MACF1: variants seen among roughly 807,000 people sequenced by gnomAD.
MACF1 encodes the protein microtubule-actin cross-linking factor 1.
In MACF1, 193 loss-of-function variants were observed where a neutral mutation model predicts 854.8. The observed-to-expected ratio is 0.23, with a 90% CI of 0.20 to 0.25. The LOEUF is 0.25. Ranked by LOEUF, MACF1 falls within the 10% of genes least tolerant of loss-of-function variation. MACF1 has a pLI of 1.00. For missense variants in MACF1, 7,722 were observed against 8,929.1 expected (o/e 0.86, Z 5.45); for synonymous variants, 3,185 against 3,226.7 (o/e 0.99, Z 0.44).
At chr1:39,244,121 G>C (rs888054520) in intron 2 of MACF1, among the ~76,000 whole-genome samples, 13 of 151,252 alleles carry the variant, frequency 8.6e-5, no homozygotes, top group African/African-American at 2.4e-4. Flanking sequence ...TTTTTTTTGG[G>C]GGGGACAGAG....
intron 26 of MACF1, among the ~76,000 whole-genome samples, chr1:39,312,134 G>A (rs1646313249): frequency 6.6e-6 from 1 of 152,158 alleles, no homozygotes; most frequent in Non-Finnish European, 1.5e-5. Flanking sequence ...CGAGATGGGA[G>A]AATCGCTTGA....
At chr1:39,186,712 A>G (rs920636068) in intron 2 of MACF1, among the ~76,000 whole-genome samples, 4 of 151,766 alleles carry the variant, frequency 2.6e-5, no homozygotes, top group Admixed American at 6.6e-5. Context: ...GGCTCAAGGG[A>G]TCTTCCCACC....
At chr1:39,475,168 A>T (rs1644855021) in intron 97 of MACF1, among the ~76,000 whole-genome samples, 1 of 152,232 alleles carries the variant, frequency 6.6e-6, no homozygotes, top group Non-Finnish European at 1.5e-5. Context: ...TCTCCCAAGC[A>T]GGGAAATATA....
intron 63 of MACF1, 23 bp from the exon 64 acceptor site, chr1:39,429,219 T>C (rs374493294): frequency 8.2e-7 from 1 of 1,226,884 alleles, no homozygotes; most frequent in Non-Finnish European, 1.2e-6. Context: ...AGTTTCAGGA[T>C]TAATGGTATT....
intron 46 of MACF1, 77 bp from the exon 47 acceptor site, chr1:39,359,064 G>C (rs536149476): frequency 4.5e-6 from 7 of 1,560,972 alleles, no homozygotes; most frequent in South Asian, 1.1e-5. Flanking sequence ...CTGTAAAGCT[G>C]TTCAGTAGCT....
At chr1:39,281,684 G>A (rs1337919055) in intron 6 of MACF1, among the ~76,000 whole-genome samples, 2 of 152,038 alleles carry the variant, frequency 1.3e-5, no homozygotes, top group East Asian at 1.9e-4. Flanking sequence ...AACTTTTTAG[G>A]TGCTACAAAG....
At chr1:39,226,498 G>A (rs1304100534) in intron 1 of MACF1, among the ~76,000 whole-genome samples, 2 of 152,050 alleles carry the variant, frequency 1.3e-5, no homozygotes, top group African/African-American at 4.8e-5. Flanking sequence ...GTGCCACCAC[G>A]CCCAGCTAAT....
At chr1:39,412,325 G>A (rs777473132) in intron 58 of MACF1, 2 of 1,613,984 alleles carry the variant, frequency 1.2e-6, no homozygotes, top group East Asian at 2.2e-5. Context: ...TTGGAAAGTG[G>A]GAATGTAACT....
chr1:39,309,692 A>C lies in MACF1; in HGVS notation c.2912A>C (p.Glu971Ala), dbSNP rs746501038. 1.9e-6 allele frequency: 3 copies of C among 1,609,472 alleles called. No individual in the cohort carries two copies. In the South Asian group the frequency reaches 3.3e-5, roughly 18 times the overall value. Residue 971 changes from glutamate to alanine, a missense_variant, in exon 24 of 101, where the codon GAA (glutamate) becomes GCA (alanine). Coordinates refer to ENST00000564288, the MANE Select transcript of MACF1 (RefSeq NM_001394062.1). Reference protein sequence around the residue: ...DLDLVQTWNLEKLRSSAPGEC... With the variant: ...DLDLVQTWNLAKLRSSAPGEC... ...GACCTTGTACAGACCTGGAACCTAGAAAAGGTAATTATGAAAACCTTACCC... is the reference window on the plus strand; with the variant it reads ...GACCTTGTACAGACCTGGAACCTAGCAAAGGTAATTATGAAAACCTTACCC...
intron 2 of MACF1, among the ~76,000 whole-genome samples, chr1:39,175,941 C>CAA (rs68102262): frequency 0.018 from 1,802 of 98,520 alleles, 14 homozygotes; most frequent in African/African-American, 0.026. Context: ...ACTAAAAATA[C>CAA]AAAAAAAAAA....
chr1:39,334,573 AAG>A lies in MACF1; in HGVS notation c.7986_7987del (p.Lys2662AsnfsTer53). 1 of 1,614,158 alleles carries A rather than the reference AAG, an allele frequency of 6.2e-7. No individual in the cohort carries two copies. Among genetic ancestry groups the A allele is most frequent in the Non-Finnish European group, 8.5e-7 (1 of 1,180,020 alleles). On this transcript the variant is annotated frameshift_variant, in exon 37 of 101. Coordinates refer to ENST00000564288, the MANE Select transcript of MACF1 (RefSeq NM_001394062.1). LOFTEE classifies it high-confidence loss of function. ...GACATTAAAGATGGGGTGAGCGACA[AAG>A]TGCTTACATTGTCTCAAGCAATTCA...
chr1:39,364,805 T>A (rs191519829), intron 49 of MACF1, among the ~76,000 whole-genome samples: 1 of 152,314 alleles, frequency 6.6e-6, no homozygotes, highest in East Asian at 1.9e-4. Context: ...AATGTGGAAT[T>A]TTTGTTCTAC....
At chr1:39,357,300 C>A (rs927572826) in intron 44 of MACF1, 75 bp from the exon 45 acceptor site, 2 of 1,483,892 alleles carry the variant, frequency 1.3e-6, no homozygotes, top group African/African-American at 1.4e-5. Context: ...AGTATGAAGT[C>A]CAGTCTTGTA....
intron 97 of MACF1, among the ~76,000 whole-genome samples, chr1:39,474,758 G>A (rs151224948): frequency 0.018 from 2,781 of 152,202 alleles, 41 homozygotes; most frequent in South Asian, 0.028. Flanking sequence ...TATATACTGC[G>A]CTCCAGCCTC....
chr1:39,462,171 G>A, intron 93 of MACF1, 134 bp downstream of exon 93: 1 of 869,940 alleles, frequency 1.1e-6, no homozygotes, highest in Non-Finnish European at 1.8e-6. Flanking sequence ...TCTATTTTGA[G>A]ATCTCTTTTT....
In MACF1 at chr1:39,093,482, ATT is replaced by A. The variant is rs35211687; in HGVS notation, c.220+9065_220+9066del. 4.4e-3 allele frequency among the ~76,000 whole-genome samples: 460 copies of A among 104,254 alleles called. 1 individual carries two copies. The highest frequency in any genetic ancestry group is 0.015 in the African/African-American group (383 of 26,326). 68.4% of individuals were successfully genotyped at this position (104,254 alleles called of 152,430 possible). On this transcript the variant is annotated intron_variant, in intron 2 of 93. Transcript: ENST00000361689. The stretch of plus-strand genomic sequence containing the variant: ...ATGTGCGCGCCACCACGCCTGGCTA[ATT>A]TTTTTTTTTTTTTTTTTTTTGAGAC...
At chr1:39,305,690 C>T (rs1405423973) in intron 23 of MACF1, among the ~76,000 whole-genome samples, 8 of 152,178 alleles carry the variant, frequency 5.3e-5, no homozygotes, top group Non-Finnish European at 8.8e-5. Flanking sequence ...TATTGTGAGG[C>T]GACTGTGCCT....
At chr1:39,157,869 G>A (rs913689822) in intron 2 of MACF1, among the ~76,000 whole-genome samples, 7 of 152,096 alleles carry the variant, frequency 4.6e-5, no homozygotes, top group Non-Finnish European at 7.4e-5. Context: ...ACCACACCCA[G>A]CTAATTTTTT....
At chr1:39,117,491 G>A (rs1397594100) in intron 2 of MACF1, among the ~76,000 whole-genome samples, 1 of 151,640 alleles carries the variant, frequency 6.6e-6, no homozygotes, top group East Asian at 1.9e-4. Flanking sequence ...TTCACTCCCT[G>A]GTTTGGCTTG....
Sources: gnomAD v4.1 joint callset for allele counts (sites outside exome capture counted in the v4.1 genomes callset) on GRCh38, gnomAD v4.1.1 for gene constraint, MANE v1.5 for transcripts, NCBI Gene and HGNC (gene_info 2026-07-23, HGNC 2026-07-21) for gene names.